Variants in SWAP70 observed in about 807,000 individuals in gnomAD.
SWAP70 encodes the protein switch-associated protein 70.
A neutral mutation model predicts 80.2 loss-of-function variants in SWAP70; 34 were observed. The observed-to-expected ratio is 0.42, with a 90% confidence interval of 0.32 to 0.56. The LOEUF (loss-of-function observed/expected upper bound fraction) is 0.56, where lower values mean the gene tolerates loss of function less well. Among genes scored for constraint, SWAP70 ranks in the 20% least tolerant of loss-of-function variants. The pLI, the probability that SWAP70 is intolerant of heterozygous loss-of-function variation, is 0.09. For missense variants in SWAP70, 578 were observed against 690.7 expected, an observed-to-expected ratio of 0.84 and a Z score of 1.83; for synonymous variants, 239 against 238.5, an observed-to-expected ratio of 1.00 and a Z score of -0.02.
intron 2 of SWAP70, among the ~76,000 whole-genome samples, chr11:9,706,469 A>G (rs1209303441): frequency 1.3e-5 from 2 of 152,198 alleles, no homozygotes; most frequent in Middle Eastern, 3.2e-3. Context: ...TATGAAAATT[A>G]TAAAGCATAA....
At chr11:9,706,764 G>GT (rs1306248169) in intron 2 of SWAP70, among the ~76,000 whole-genome samples, 1 of 151,898 alleles carries the variant, frequency 6.6e-6, no homozygotes, top group Non-Finnish European at 1.5e-5. Context: ...AATTCTTCGT[G>GT]TTGTGTACCT....
chr11:9,737,229 T>A (rs1851374399), intron 7 of SWAP70, among the ~76,000 whole-genome samples: 1 of 152,174 alleles, frequency 6.6e-6, no homozygotes, highest in South Asian at 2.1e-4. Context: ...ATCATAGCCC[T>A]AGGCTTGAGC....
chr11:9,721,414 T>C (rs1851133611), intron 3 of SWAP70, among the ~76,000 whole-genome samples: 1 of 151,988 alleles, frequency 6.6e-6, no homozygotes, highest in Non-Finnish European at 1.5e-5. Context: ...CTAAAAGAGC[T>C]TATAGCATCT....
At chr11:9,690,728 T>A (rs548618837) in intron 1 of SWAP70, among the ~76,000 whole-genome samples, 1 of 152,060 alleles carries the variant, frequency 6.6e-6, no homozygotes, top group African/African-American at 2.4e-5. Flanking sequence ...TCTCTATTTT[T>A]AAAAAATACA....
chr11:9,687,268 G>A (rs1211037564), intron 1 of SWAP70, among the ~76,000 whole-genome samples: 1 of 152,164 alleles, frequency 6.6e-6, no homozygotes, highest in Non-Finnish European at 1.5e-5. Flanking sequence ...GGCATTCTTA[G>A]TAGAGAAACA....
At chr11:9,742,483 C>T (rs561756918) in intron 9 of SWAP70, among the ~76,000 whole-genome samples, 13 of 151,902 alleles carry the variant, frequency 8.6e-5, no homozygotes, top group East Asian at 3.9e-4. Flanking sequence ...AGTACAGGCG[C>T]GCACCACCAC....
chr11:9,694,378 A>G (rs1850730145), intron 2 of SWAP70, 92 bp downstream of exon 2: 2 of 1,354,784 alleles, frequency 1.5e-6, no homozygotes, highest in Admixed American at 2.6e-5. Flanking sequence ...TTCACTAAGG[A>G]GTTGAGGTAC....
chr11:9,739,086 G>T (rs571916595), intron 8 of SWAP70, among the ~76,000 whole-genome samples: 1 of 152,312 alleles, frequency 6.6e-6, no homozygotes, highest in Admixed American at 6.5e-5. Context: ...GATGGCGGGG[G>T]TGAGATCCTG....
chr11:9,741,855 A>C (rs938120603), intron 9 of SWAP70: 2 of 146,152 alleles, frequency 1.4e-5, no homozygotes, highest in African/African-American at 5.2e-5. Flanking sequence ...CTCACCCACC[A>C]CACTTTGGGA....
Position 9,750,077 on chromosome 11 carries a change from C to T in SWAP70, c.*107C>T. 1 of 725,734 alleles carries T rather than the reference C, an allele frequency of 1.4e-6. No individual in the cohort carries two copies. The highest frequency in any genetic ancestry group is 1.7e-5 in the South Asian group (1 of 58,142). The allele number at this position is 725,734 out of a possible 1,614,324, so 45.0% of individuals were successfully genotyped here. A position where few individuals can be genotyped will look rare whatever the true frequency, so the allele number is the denominator to read the frequency against. On this transcript the variant is annotated 3_prime_UTR_variant, in exon 12 of 12. Transcript: ENST00000318950. The stretch of plus-strand genomic sequence containing the variant: ...TGGGGGCCGGGCGTGGTGGCTCACG[C>T]CTGTAATCCCAGCACTTTGGGAGGC...
chr11:9,732,650 A>G lies in SWAP70; in HGVS notation c.1020A>G (p.Gln340=). The G allele has an allele frequency of 6.4e-7, 1 of 1,574,060 alleles. No homozygotes were observed. The highest frequency in any genetic ancestry group is 8.6e-7 in the Non-Finnish European group (1 of 1,158,214). ...CTGAACAAGAGGAACTGGAGCGACAAATGAAGGAACTCCAGGCCGCCAACG... is the reference window on the plus strand; with the variant it reads ...CTGAACAAGAGGAACTGGAGCGACAGATGAAGGAACTCCAGGCCGCCAACG... ...QLAEQEELER[Q]MKELQAANES... Residue 340 remains glutamine (Q), a synonymous_variant, in exon 7 of 12, where the codon CAA becomes CAG. Coordinates refer to ENST00000318950, the MANE Select transcript of SWAP70 (RefSeq NM_015055.4).
At chr11:9,671,397 TAA>T (rs1166943789) in intron 1 of SWAP70, among the ~76,000 whole-genome samples, 38 of 104,842 alleles carry the variant, frequency 3.6e-4, no homozygotes, top group Non-Finnish European at 3.3e-4. Context: ...TAAATATATA[TAA>T]ATATATAAAA....
chr11:9,715,689 A>G (rs1851057524), intron 3 of SWAP70, among the ~76,000 whole-genome samples: 1 of 152,240 alleles, frequency 6.6e-6, no homozygotes, highest in African/African-American at 2.4e-5. Flanking sequence ...TAAAGCCATC[A>G]GATCTCATGA....
At chr11:9,670,937 T>C (rs1304147201) in intron 1 of SWAP70, among the ~76,000 whole-genome samples, 1 of 150,808 alleles carries the variant, frequency 6.6e-6, no homozygotes, top group African/African-American at 2.4e-5. Flanking sequence ...ATATTTTTAG[T>C]AGAGACGGGG....
chr11:9,741,782 T>C (rs572361907), intron 9 of SWAP70: 1 of 152,012 alleles, frequency 6.6e-6, no homozygotes, highest in East Asian at 1.9e-4. Flanking sequence ...AGTGGTTTTT[T>C]AACCAATGTT....
chr11:9,674,445 A>G (rs1004778765), intron 1 of SWAP70, among the ~76,000 whole-genome samples: 2 of 152,140 alleles, frequency 1.3e-5, no homozygotes, highest in African/African-American at 4.8e-5. Flanking sequence ...CATGACTATA[A>G]TCCCAGAACT....
chr11:9,677,110 C>G (rs1486900828), intron 1 of SWAP70, among the ~76,000 whole-genome samples: 6 of 151,246 alleles, frequency 4.0e-5, no homozygotes, highest in Admixed American at 4.0e-4. Context: ...AATAATAAAC[C>G]TTATTAATGT....
At chr11:9,716,688 A>T (rs1477387318) in intron 3 of SWAP70, among the ~76,000 whole-genome samples, 1 of 152,172 alleles carries the variant, frequency 6.6e-6, no homozygotes, top group Non-Finnish European at 1.5e-5. Context: ...GACATATTGC[A>T]TGGTGGTGGG....
intron 9 of SWAP70, chr11:9,741,508 G>GC (rs1851437476): frequency 6.6e-6 from 1 of 152,132 alleles, no homozygotes; most frequent in African/African-American, 2.4e-5. Context: ...CGTCCAGAGT[G>GC]ACGTTCTACA....
Sources: gnomAD v4.1 joint callset for allele counts (sites outside exome capture counted in the v4.1 genomes callset) on GRCh38, gnomAD v4.1.1 for gene constraint, MANE v1.5 for transcripts, NCBI Gene and HGNC (gene_info 2026-07-23, HGNC 2026-07-21) for gene names.